The following PCSK6 variants were observed in gnomAD, a reference collection of about 807,000 sequenced individuals.
The protein encoded by PCSK6 is proprotein convertase subtilisin/kexin type 6.
A neutral mutation model predicts 123.3 loss-of-function variants in PCSK6; 85 were observed. That is an observed-to-expected ratio of 0.69 (90% CI 0.58 to 0.83). The LOEUF is 0.83. PCSK6 is among the 40% of genes least tolerant of loss of function. The pLI, the probability that PCSK6 is intolerant of heterozygous loss-of-function variation, is 0.00. For missense variants in PCSK6, 1,191 were observed against 1,282.3 expected (o/e 0.93, Z 1.09); for synonymous variants, 508 against 516.0 (o/e 0.98, Z 0.21).
chr15:101,478,955 G>A, intron 1 of PCSK6, among the ~76,000 whole-genome samples: 1 of 152,206 alleles, frequency 6.6e-6, no homozygotes, highest in Admixed American at 6.5e-5. Context: ...TTTGGTGAAT[G>A]GAATCAGGAC....
rs983503845 is a variant in PCSK6 at position 101,427,840 on chromosome 15, G to A, written c.823+52C>T. Reference sequence around the variant, plus strand: ...GAGACCAGCGGACAGGGAGCTCCCAGCTGCCCCTGCCCCAGGCCCCTCGGC... The same window carrying A: ...GAGACCAGCGGACAGGGAGCTCCCAACTGCCCCTGCCCCAGGCCCCTCGGC... On this transcript the variant is annotated intron_variant, in intron 6 of 21. Transcript: ENST00000611716. 1.1e-5 allele frequency: 16 copies of A among 1,414,922 alleles called. No homozygotes were observed. The African/African-American group carries it at 2.3e-4, about 20-fold the overall frequency. The allele number at this position is 1,414,922 out of a possible 1,614,324, so 87.6% of individuals were successfully genotyped here.
At chr15:101,451,893 T>C (rs1028205706) in intron 1 of PCSK6, among the ~76,000 whole-genome samples, 7 of 152,204 alleles carry the variant, frequency 4.6e-5, no homozygotes, top group Non-Finnish European at 8.8e-5. Context: ...AGATGACCAC[T>C]GGACCTATAT....
At chr15:101,395,252 G>C (rs1211635454) in intron 7 of PCSK6, among the ~76,000 whole-genome samples, 1 of 152,144 alleles carries the variant, frequency 6.6e-6, no homozygotes, top group Non-Finnish European at 1.5e-5. Flanking sequence ...CCCCAAACTT[G>C]AATGTGCACA....
In PCSK6 at chr15:101,366,286, T is replaced by C; in HGVS notation, c.1768A>G (p.Thr590Ala). 1 of 1,613,578 alleles carries C rather than the reference T, an allele frequency of 6.2e-7. No individual in the cohort carries two copies. The highest frequency in any genetic ancestry group is 1.7e-5 in the Admixed American group (1 of 59,984). The change falls in exon 13 of 22, where the codon ACT (threonine) becomes GCT (alanine). Residue 590 changes from threonine to alanine, a missense_variant. Transcript: ENST00000611716. ...GCCTTTTCTCCCCAGCAGTGGACAG[T>C]CATGAATTCCCAGTTTGTAAACCCT... ...NEGFTNWEFM[T>A]VHCWGEKAEG... is the part of the protein sequence containing the mutation.
chr15:101,342,864 T>G (rs1309214665), intron 13 of PCSK6, among the ~76,000 whole-genome samples: 1 of 151,270 alleles, frequency 6.6e-6, no homozygotes, highest in African/African-American at 2.4e-5. Context: ...ATTGCACCAC[T>G]GCACTCCAGC....
intron 17 of PCSK6, among the ~76,000 whole-genome samples, chr15:101,323,731 GAA>G (rs11404372): frequency 7.8e-6 from 1 of 128,236 alleles, no homozygotes; most frequent in Admixed American, 7.9e-5. Context: ...ACTCCATCTC[GAA>G]AAAAAAAAAA....
At chr15:101,314,354 G>A (rs571535655) in intron 19 of PCSK6, among the ~76,000 whole-genome samples, 2 of 152,182 alleles carry the variant, frequency 1.3e-5, no homozygotes, top group Non-Finnish European at 2.9e-5. Context: ...CAACTGATGG[G>A]ACGTCAGAGA....
At position 101,398,585 on chromosome 15, in the gene PCSK6, A is replaced by G. The variant is rs2042490091; in HGVS notation, c.824-9T>C. The G allele has an allele frequency of 6.2e-7, 1 of 1,605,034 alleles. No individual in the cohort carries two copies. Among genetic ancestry groups the G allele is most frequent in the African/African-American group, 1.3e-5 (1 of 74,756 alleles). On this transcript the variant is annotated splice_polypyrimidine_tract_variant and intron_variant, in intron 6 of 21. Coordinates refer to ENST00000611716, the MANE Select transcript of PCSK6 (RefSeq NM_002570.5). This position sits in a 1 kb window ranked among gnomAD's most constrained non-coding sequence, Gnocchi z 4.6. ...GTCCAGCATGCGGATGCCTGAAAGC[A>G]CAGAGGAGGCTCGGTGTCGGCGCCC...
chr15:101,386,120 A>C (rs540635720), intron 9 of PCSK6, among the ~76,000 whole-genome samples: 37 of 150,906 alleles, frequency 2.5e-4, no homozygotes, highest in African/African-American at 8.8e-4. Flanking sequence ...AGGAACGCAC[A>C]CCGTGCTCTC....
intron 1 of PCSK6, among the ~76,000 whole-genome samples, chr15:101,447,135 G>C (rs1224186794): frequency 6.6e-6 from 1 of 152,082 alleles, no homozygotes; most frequent in African/African-American, 2.4e-5. Flanking sequence ...AGCCCTTCTA[G>C]GCTTCTCATC....
At chr15:101,401,971 A>C (rs2042601443) in intron 6 of PCSK6, among the ~76,000 whole-genome samples, 1 of 151,992 alleles carries the variant, frequency 6.6e-6, no homozygotes, top group African/African-American at 2.4e-5. Flanking sequence ...AGTCAATCCT[A>C]AGCCAAAAGA....
chr15:101,414,749 C>G (rs4965853), intron 6 of PCSK6, among the ~76,000 whole-genome samples: 3 of 151,342 alleles, frequency 2.0e-5, no homozygotes, highest in Non-Finnish European at 4.4e-5. Flanking sequence ...GACAGATGGA[C>G]GGACAGATGG....
At chr15:101,327,346 T>G (rs1567144629) in intron 15 of PCSK6, among the ~76,000 whole-genome samples, 1 of 152,102 alleles carries the variant, frequency 6.6e-6, no homozygotes, top group East Asian at 1.9e-4. Context: ...GTGTTAAAGG[T>G]CTACCCGTCA....
At chr15:101,446,006 T>C (rs544959474) in intron 1 of PCSK6, among the ~76,000 whole-genome samples, 1 of 152,262 alleles carries the variant, frequency 6.6e-6, no homozygotes, top group Non-Finnish European at 1.5e-5. Flanking sequence ...CCCCTGGGTC[T>C]GGGCTGATGT....
intron 1 of PCSK6, among the ~76,000 whole-genome samples, chr15:101,487,989 T>G (rs1204698359): frequency 6.6e-6 from 1 of 152,194 alleles, no homozygotes; most frequent in East Asian, 1.9e-4. Flanking sequence ...TCTCCAAAGA[T>G]GTGCTAGCAT....
intron 13 of PCSK6, among the ~76,000 whole-genome samples, chr15:101,362,115 C>T (rs920472254): frequency 2.0e-5 from 3 of 152,066 alleles, no homozygotes; most frequent in African/African-American, 7.2e-5. Flanking sequence ...CGCCACCATG[C>T]CTGGTTAACT....
At chr15:101,426,238 C>A (rs538488172) in intron 6 of PCSK6, among the ~76,000 whole-genome samples, 2 of 152,346 alleles carry the variant, frequency 1.3e-5, no homozygotes, top group African/African-American at 2.4e-5. Context: ...CACATGGTAT[C>A]TGACTTCATC....
In PCSK6 at chr15:101,489,630, G is replaced by A; in HGVS notation, c.41C>T (p.Pro14Leu). Residue 14 changes from proline to leucine, a missense_variant, in exon 1 of 22, where the codon CCG becomes CTG. Pro to Leu is a moderately conservative substitution (Grantham distance 98). This residue lies in a region of PCSK6 where 204 missense variants were observed against 166.4 expected (regional missense o/e 1.23). Coordinates refer to ENST00000611716, the MANE Select transcript of PCSK6 (RefSeq NM_002570.5). ...RAPPAPGPRP[P>L]PRAAAATDTA... ...GTCGGTGGCGGCGGCGGCCCGGGGC[G>A]GCGGCCGGGGCCCGGGCGCAGGCGG... is the stretch of plus-strand genomic sequence containing the variant. The A allele has an allele frequency of 1.0e-6, 1 of 975,620 alleles. No individual in the cohort carries two copies. Among genetic ancestry groups the A allele is most frequent in the Non-Finnish European group, 1.2e-6 (1 of 825,344 alleles). The allele number at this position is 975,620 out of a possible 1,614,324, so 60.4% of individuals were successfully genotyped here. A position where few individuals can be genotyped will look rare whatever the true frequency, so the allele number is the denominator to read the frequency against.
chr15:101,326,397 C>A lies in PCSK6; in HGVS notation c.2160G>T (p.Leu720=). The A allele has an allele frequency of 6.3e-7, 1 of 1,577,552 alleles. No homozygotes were observed. The highest frequency in any genetic ancestry group is 2.3e-5 in the East Asian group (1 of 42,818). ...ATTACCTGCTGGTCTTGACACTCCC[C>A]AGGCTGAAGTGGACGCAGTTCAAGC... is the stretch of plus-strand genomic sequence containing the variant. The part of the protein sequence containing the change: ...DQCLNCVHFS[L]GSVKTSRKCV... Residue 720 remains leucine, a synonymous_variant, in exon 16 of 22, where the codon CTG becomes CTT. Coordinates refer to ENST00000611716, the MANE Select transcript of PCSK6 (RefSeq NM_002570.5).
Sources: gnomAD v4.1 joint callset for allele counts (sites outside exome capture counted in the v4.1 genomes callset) on GRCh38, gnomAD v4.1.1 for gene constraint, gnomAD v4.1.1 regional missense constraint, Gnocchi (gnomAD v3.1) non-coding constraint, MANE v1.5 for transcripts, NCBI Gene and HGNC (gene_info 2026-07-23, HGNC 2026-07-21) for gene names.